The following SULT2B1 variants were observed in gnomAD, a reference collection of about 807,000 sequenced individuals.
SULT2B1 encodes the protein sulfotransferase family 2B member 1, also known as sulfotransferase 2B1.
A neutral mutation model predicts 33.2 loss-of-function variants in SULT2B1; 16 were observed. That is an observed-to-expected ratio of 0.48 (90% CI 0.33 to 0.73). The LOEUF (loss-of-function observed/expected upper bound fraction) is 0.73, where lower values mean the gene tolerates loss of function less well. Among genes scored for constraint, SULT2B1 ranks in the 30% least tolerant of loss-of-function variants. SULT2B1 has a pLI of 0.02. For missense variants in SULT2B1, 500 were observed against 506.0 expected (o/e 0.99, Z 0.11); for synonymous variants, 186 against 200.5 (o/e 0.93, Z 0.61).
At chr19:48,575,129 GAC>G (rs1973386813) in intron 1 of SULT2B1, among the ~76,000 whole-genome samples, 2 of 78,496 alleles carry the variant, frequency 2.5e-5, no homozygotes, top group Non-Finnish European at 4.6e-5. Flanking sequence ...TTTTTTTTGA[GAC>G]AGAGTCTCGC....
At chr19:48,576,117 G>A (rs1381708763) in intron 2 of SULT2B1, 34 bp downstream of exon 2, 2 of 1,504,076 alleles carry the variant, frequency 1.3e-6, no homozygotes, top group East Asian at 4.5e-5. Context: ...GGGGGCTGGG[G>A]AGAGTGGGGA....
chr19:48,591,710 C>T lies in SULT2B1; in HGVS notation c.525C>T (p.Phe175=). 6.2e-7 allele frequency: 1 copy of T among 1,608,176 alleles called. No homozygotes were observed. Among genetic ancestry groups the T allele is most frequent in the African/African-American group, 1.3e-5 (1 of 74,920 alleles). The change falls in exon 4 of 7, where the codon TTC becomes TTT. Residue 175 remains phenylalanine (F), a synonymous_variant. Transcript: ENST00000201586. ...AGGACCCGGGCACACCCGACCAGTT[C>T]CTGAGGGACTTCCTCAAAGGCGAAG... ...QLKDPGTPDQ[F]LRDFLKGEVQ...
intron 1 of SULT2B1, 98 bp from the exon 2 acceptor site, chr19:48,575,843 G>C: frequency 1.3e-6 from 2 of 1,532,614 alleles, no homozygotes; most frequent in Non-Finnish European, 1.8e-6. Context: ...AGGCTCTGAG[G>C]AGGAAGTTCC....
intron 1 of SULT2B1, among the ~76,000 whole-genome samples, chr19:48,564,397 C>CA (rs1401004254): frequency 1.3e-5 from 2 of 149,322 alleles, no homozygotes; most frequent in African/African-American, 4.9e-5. Flanking sequence ...ACTAAAAATA[C>CA]AAAAAATTAG....
At chr19:48,586,005 C>T (rs1295941530) in intron 2 of SULT2B1, among the ~76,000 whole-genome samples, 2 of 151,968 alleles carry the variant, frequency 1.3e-5, no homozygotes, top group Non-Finnish European at 2.9e-5. Context: ...TTGCTTGAGC[C>T]CAGGAGTTCA....
intron 1 of SULT2B1, among the ~76,000 whole-genome samples, chr19:48,558,579 C>T (rs191016863): frequency 6.6e-6 from 1 of 152,146 alleles, no homozygotes; most frequent in African/African-American, 2.4e-5. Context: ...GTTTTACAAC[C>T]CCGGCCCCAC....
intron 5 of SULT2B1, among the ~76,000 whole-genome samples, chr19:48,593,521 C>T (rs1973670773): frequency 6.6e-6 from 1 of 151,964 alleles, no homozygotes; most frequent in South Asian, 2.1e-4. Context: ...CACTGCACTC[C>T]AGCCTGGGCG....
intron 1 of SULT2B1, among the ~76,000 whole-genome samples, chr19:48,570,187 T>A (rs949029351): frequency 7.9e-5 from 12 of 151,814 alleles, no homozygotes; most frequent in African/African-American, 2.7e-4. Context: ...TTCTTTTTTT[T>A]TTTTTTTCTG....
At chr19:48,591,576 G>A (rs760376972) in intron 3 of SULT2B1, 33 bp from the exon 4 acceptor site, 51 of 1,594,084 alleles carry the variant, frequency 3.2e-5, no homozygotes, top group Non-Finnish European at 3.8e-5. Context: ...TGTGTCTGAC[G>A]CCTTCTCCCC....
rs2147627034 is a variant in SULT2B1, at chr19:48,592,713, T to C, written c.551-9T>C. The C allele has an allele frequency of 6.3e-7, 1 of 1,583,342 alleles. No individual in the cohort carries two copies. The highest frequency in any genetic ancestry group is 8.6e-7 in the Non-Finnish European group (1 of 1,163,616). On this transcript the variant is annotated splice_polypyrimidine_tract_variant and intron_variant, in intron 4 of 6. Transcript: ENST00000201586. Reference sequence around the variant, plus strand: ...TCAGCCCTCACCCCACTTGTCCCTCTGCCCACAGTGCAGTTTGGCTCCTGG... The same window carrying C: ...TCAGCCCTCACCCCACTTGTCCCTCCGCCCACAGTGCAGTTTGGCTCCTGG...
At chr19:48,594,049 A>C (rs1973679639) in intron 5 of SULT2B1, among the ~76,000 whole-genome samples, 1 of 151,708 alleles carries the variant, frequency 6.6e-6, no homozygotes, top group Non-Finnish European at 1.5e-5. Context: ...ACCTGAGCTC[A>C]GGAGTTCCAG....
intron 3 of SULT2B1, among the ~76,000 whole-genome samples, chr19:48,589,562 T>C (rs1293368421): frequency 6.6e-6 from 1 of 152,038 alleles, no homozygotes; most frequent in Non-Finnish European, 1.5e-5. Flanking sequence ...AATCAGGAAG[T>C]CCCCAAGACC....
Position 48,587,453 on chromosome 19 carries a change from GT to G in SULT2B1, c.423+17del. 1 of 1,614,028 alleles carries G rather than the reference GT, an allele frequency of 6.2e-7. No individual in the cohort carries two copies. ...CAAGGCCAAGGTTGGGAGGAGGGGT[GT>G]GTGTCAGTTGGGAGGGGCTGCATGG... On this transcript the variant is annotated intron_variant, in intron 3 of 6. Coordinates refer to ENST00000201586, the MANE Select transcript of SULT2B1 (RefSeq NM_177973.2).
At position 48,552,612 on chromosome 19, in the gene SULT2B1, T is replaced by C. The variant is rs1326417183; in HGVS notation, c.71+289T>C. On this transcript the variant is annotated intron_variant, in intron 1 of 6. Coordinates refer to ENST00000201586, the MANE Select transcript of SULT2B1 (RefSeq NM_177973.2). This position sits in a 1 kb window ranked among gnomAD's most constrained non-coding sequence, Gnocchi z 4.8. Reference sequence around the variant, plus strand: ...GTCTGTCAAAGGGGCCCACAAGCCCTGTGTCTCCCTGATAGAGCAGTGGAA... The same window carrying C: ...GTCTGTCAAAGGGGCCCACAAGCCCCGTGTCTCCCTGATAGAGCAGTGGAA... Among the ~76,000 whole-genome samples the C allele has an allele frequency of 6.6e-6, 1 of 152,176 alleles. No homozygotes were observed. The highest frequency in any genetic ancestry group is 1.5e-5 in the Non-Finnish European group (1 of 68,032).
rs139225176 is a variant in SULT2B1 at position 48,589,315 on chromosome 19, G to A, written c.423+1878G>A. On this transcript the variant is annotated intron_variant, in intron 3 of 6. Coordinates refer to ENST00000201586, the MANE Select transcript of SULT2B1 (RefSeq NM_177973.2). ...CAGGGTGGGGCAACTGGGAAGGGGA[G>A]GAGGGAGGGGAGCAGGCGGGGGAGG... 6.0e-3 allele frequency among the ~76,000 whole-genome samples: 918 copies of A among 152,178 alleles called. 7 individuals are homozygous for A. The highest frequency in any genetic ancestry group is 7.5e-3 in the Non-Finnish European group (509 of 67,984).
chr19:48,596,320 G>C (rs2147630808), intron 5 of SULT2B1: 1 of 166,840 alleles, frequency 6.0e-6, no homozygotes, highest in Admixed American at 6.3e-5. Context: ...TGGGGGCCTG[G>C]GGGAGGAGCA....
Position 48,596,840 on chromosome 19 carries a change from G to A in SULT2B1, c.747G>A (p.Met249Ile). 6.2e-7 allele frequency: 1 copy of A among 1,609,834 alleles called. No individual in the cohort carries two copies. Residue 249 changes from methionine to isoleucine, a missense_variant, in exon 6 of 7, where the codon ATG becomes ATA. By Grantham distance (10) the Met-to-Ile change is conservative (BLOSUM62 1). Coordinates refer to ENST00000201586, the MANE Select transcript of SULT2B1 (RefSeq NM_177973.2). ...TGGCACACTCAACCTTCAGCGCCAT[G>A]AAGGCCAACACCATGTCCAACTACA... ...SVVAHSTFSA[M>I]KANTMSNYTL...
intron 5 of SULT2B1, among the ~76,000 whole-genome samples, chr19:48,593,629 A>C (rs1268479140): frequency 6.6e-6 from 1 of 151,748 alleles, no homozygotes; most frequent in Non-Finnish European, 1.5e-5. Context: ...TATTTATTTT[A>C]TTTAATTAAT....
chr19:48,590,795 T>C (rs1439778232), intron 3 of SULT2B1, among the ~76,000 whole-genome samples: 2 of 152,006 alleles, frequency 1.3e-5, no homozygotes, highest in African/African-American at 4.8e-5. Flanking sequence ...TCTGTTTTCA[T>C]TTAGTTTTTG....
Sources: allele counts gnomAD v4.1 joint callset (sites outside exome capture counted in the v4.1 genomes callset), GRCh38; gene constraint gnomAD v4.1.1; non-coding constraint Gnocchi (gnomAD v3.1); transcripts MANE v1.5; gene names NCBI Gene and HGNC (gene_info 2026-07-23, HGNC 2026-07-21).